HIPK3: variants seen among roughly 807,000 people sequenced by gnomAD.
HIPK3 encodes homeodomain-interacting protein kinase 3.
Under a neutral mutation model 124.2 loss-of-function variants are expected in HIPK3, and 47 were observed. The observed-to-expected ratio is 0.38, with a 90% CI of 0.30 to 0.48. The LOEUF is 0.48. Among genes scored for constraint, HIPK3 ranks in the 20% least tolerant of loss-of-function variants. HIPK3 has a pLI of 0.98. For missense variants in HIPK3, 1,286 were observed against 1,454.3 expected, an observed-to-expected ratio of 0.88 and a Z score of 1.88; for synonymous variants, 482 against 515.2, an observed-to-expected ratio of 0.94 and a Z score of 0.87.
intron 14 of HIPK3, among the ~76,000 whole-genome samples, chr11:33,349,684 C>T (rs1436690390): frequency 6.6e-6 from 1 of 152,118 alleles, no homozygotes; most frequent in African/African-American, 2.4e-5. Context: ...CTCCTGGGCT[C>T]AACCAGTGCT....
At chr11:33,348,454 A>G (rs935088835) in intron 12 of HIPK3, 68 bp from the exon 13 acceptor site, 1 of 1,325,394 alleles carries the variant, frequency 7.5e-7, no homozygotes, top group African/African-American at 1.5e-5. Context: ...TGGTTTAACA[A>G]GATACCTTAG....
At position 33,348,412 on chromosome 11, in the gene HIPK3, A is replaced by G. The variant is rs1458341304; in HGVS notation, c.2370-110A>G. Reference sequence around the variant, plus strand: ...CAAGATCTGTTAGTGTGTTATATTCATGAACTCGAACAAGTGAAGGTTCTC... The same window carrying G: ...CAAGATCTGTTAGTGTGTTATATTCGTGAACTCGAACAAGTGAAGGTTCTC... On this transcript the variant is annotated intron_variant, in intron 12 of 16. Transcript: ENST00000303296. 5 of 1,054,258 alleles carry G rather than the reference A, an allele frequency of 4.7e-6. No individual in the cohort carries two copies. The South Asian group carries it at 5.1e-5, about 11-fold the overall frequency. 65.3% of individuals were successfully genotyped at this position (1,054,258 alleles called of 1,614,324 possible). A position where few individuals can be genotyped will look rare whatever the true frequency, so the allele number is the denominator to read the frequency against.
At chr11:33,305,023 C>T in intron 2 of HIPK3, among the ~76,000 whole-genome samples, 1 of 152,114 alleles carries the variant, frequency 6.6e-6, no homozygotes, top group East Asian at 1.9e-4. Flanking sequence ...TTTTTTGAGA[C>T]AGAGTCTTGC....
chr11:33,256,716 A>C, upstream of HIPK3: 1 of 984,582 alleles, frequency 1.0e-6, no homozygotes, highest in Non-Finnish European at 1.2e-6. Context: ...TTTGGGAGTT[A>C]AACCGACTAA....
At chr11:33,301,321 A>C (rs1851992827) in intron 2 of HIPK3, among the ~76,000 whole-genome samples, 1 of 152,194 alleles carries the variant, frequency 6.6e-6, no homozygotes, top group Non-Finnish European at 1.5e-5. Flanking sequence ...TTCCAAAGTT[A>C]CTTAGGTTAG....
In HIPK3 at chr11:33,347,478, C is replaced by T. The variant is rs927443760; in HGVS notation, c.2019+64C>T. The T allele has an allele frequency of 1.5e-5, 24 of 1,602,442 alleles. No homozygotes were observed. The African/African-American group carries it at 2.8e-4, about 19-fold the overall frequency. On this transcript the variant is annotated intron_variant, in intron 9 of 16. Transcript: ENST00000303296. The stretch of plus-strand genomic sequence containing the variant: ...GCTTTTGGGAAATAGTGAAAATGAC[C>T]TGGATAGGGATTTAATCCATTTTGT...
intron 3 of HIPK3, among the ~76,000 whole-genome samples, chr11:33,336,057 A>G (rs1853137337): frequency 6.6e-6 from 1 of 152,188 alleles, no homozygotes; most frequent in South Asian, 2.1e-4. Flanking sequence ...GTAAATGCAT[A>G]GAATATTAGA....
chr11:33,263,362 C>T (rs1435975332), intron 1 of HIPK3, among the ~76,000 whole-genome samples: 3 of 152,148 alleles, frequency 2.0e-5, no homozygotes, highest in African/African-American at 7.2e-5. Flanking sequence ...TGTCACCAGG[C>T]TGGAGTGCAG....
intron 8 of HIPK3, among the ~76,000 whole-genome samples, chr11:33,344,161 T>C (rs1853426037): frequency 6.6e-6 from 1 of 152,246 alleles, no homozygotes; most frequent in South Asian, 2.1e-4. Context: ...ATACATGTAC[T>C]ATTTGAAATT....
At chr11:33,286,160 C>G (rs1037952581) in intron 1 of HIPK3, among the ~76,000 whole-genome samples, 2 of 152,060 alleles carry the variant, frequency 1.3e-5, no homozygotes, top group African/African-American at 4.8e-5. Context: ...GCACTTGATT[C>G]TTTATTCTTA....
chr11:33,337,090 C>G lies in HIPK3; in HGVS notation c.1237C>G (p.Gln413Glu). ...TATTTTTCAGATTCGATACATTTCT[C>G]AGACTCAAGGTTTGCCAGGAGAACA... ...LEYDQIRYIS[Q>E]TQGLPGEQLL... Residue 413 changes from glutamine (Q) to glutamate (E), a missense_variant, in exon 4 of 17, where the codon CAG becomes GAG. Physicochemically the swap from Gln to Glu is conservative, Grantham distance 29. This residue lies in a region of HIPK3 where 251 missense variants were observed against 349.1 expected (regional missense o/e 0.72). Transcript: ENST00000303296. 2 of 1,596,810 alleles carry G rather than the reference C, an allele frequency of 1.3e-6. No homozygotes were observed. The highest frequency in any genetic ancestry group is 1.7e-6 in the Non-Finnish European group (2 of 1,171,790).
intron 3 of HIPK3, among the ~76,000 whole-genome samples, chr11:33,329,263 A>G (rs899659610): frequency 3.9e-5 from 6 of 152,188 alleles, no homozygotes; most frequent in African/African-American, 1.2e-4. Context: ...TATTTTTTGG[A>G]GAAACTGCCA....
At chr11:33,302,016 A>AG (rs1007532956) in intron 2 of HIPK3, among the ~76,000 whole-genome samples, 1 of 152,186 alleles carries the variant, frequency 6.6e-6, no homozygotes, top group Non-Finnish European at 1.5e-5. Flanking sequence ...AACTCCTTAG[A>AG]GGGAGAGGGA....
intron 2 of HIPK3, among the ~76,000 whole-genome samples, chr11:33,316,089 A>C (rs1334638537): frequency 6.6e-6 from 1 of 152,232 alleles, no homozygotes; most frequent in African/African-American, 2.4e-5. Flanking sequence ...ATGAAGGTCC[A>C]GTATTCTGTA....
At position 33,265,772 on chromosome 11, in the gene HIPK3, C is replaced by CAA. The variant is rs55837408; in HGVS notation, c.-3+7905_-3+7906dup. 2.4e-3 allele frequency among the ~76,000 whole-genome samples: 155 copies of CAA among 64,690 alleles called. 2 individuals carry two copies. Among genetic ancestry groups the CAA allele is most frequent in the African/African-American group, 8.1e-3 (124 of 15,362 alleles). 42.4% of individuals were successfully genotyped at this position (64,690 alleles called of 152,430 possible). On this transcript the variant is annotated intron_variant, in intron 1 of 16. Coordinates refer to ENST00000303296, the MANE Select transcript of HIPK3 (RefSeq NM_005734.5). ...TGAGTGATGGAGTGAGACCTTGTCT[C>CAA]AAAAAAAAAAAAAAAAAAAAAAAGC...
intron 2 of HIPK3, among the ~76,000 whole-genome samples, chr11:33,288,401 G>T (rs1430527332): frequency 1.3e-5 from 2 of 152,140 alleles, no homozygotes; most frequent in Non-Finnish European, 2.9e-5. Context: ...GTTGCAGTGA[G>T]CCGAGATCAT....
At chr11:33,265,803 G>C (rs1214943815) in intron 1 of HIPK3, among the ~76,000 whole-genome samples, 1 of 128,268 alleles carries the variant, frequency 7.8e-6, no homozygotes, top group Non-Finnish European at 1.7e-5. Context: ...AAAGCAAAAT[G>C]GGCCGGGCAC....
At chr11:33,284,741 A>G (rs1851503481) in intron 1 of HIPK3, among the ~76,000 whole-genome samples, 1 of 152,194 alleles carries the variant, frequency 6.6e-6, no homozygotes, top group Non-Finnish European at 1.5e-5. Context: ...ACACTTGATC[A>G]TTTGTATTAG....
intron 1 of HIPK3, among the ~76,000 whole-genome samples, chr11:33,282,387 A>AC (rs1244664296): frequency 6.6e-6 from 1 of 152,060 alleles, no homozygotes; most frequent in Non-Finnish European, 1.5e-5. Flanking sequence ...TCAAAAAAAA[A>AC]GAAAAAAAAT....
Sources: gnomAD v4.1 joint callset for allele counts (sites outside exome capture counted in the v4.1 genomes callset) on GRCh38, gnomAD v4.1.1 for gene constraint, gnomAD v4.1.1 regional missense constraint, MANE v1.5 for transcripts, NCBI Gene and HGNC (gene_info 2026-07-23, HGNC 2026-07-21) for gene names.